SORBS3: variants seen among roughly 807,000 people sequenced by gnomAD.
SORBS3 encodes vinexin.
In SORBS3, 69 loss-of-function variants were observed where a neutral mutation model predicts 98.0. The observed-to-expected ratio is 0.70, with a 90% CI of 0.58 to 0.86. The LOEUF is 0.86. Among genes scored for constraint, SORBS3 ranks in the 40% least tolerant of loss-of-function variants. The pLI, the probability that SORBS3 is intolerant of heterozygous loss-of-function variation, is 0.00. For missense variants in SORBS3, 954 were observed against 908.5 expected (o/e 1.05, Z -0.64); for synonymous variants, 394 against 355.4 (o/e 1.11, Z -1.22).
chr8:22,553,406 C>T (rs1840123603), intron 1 of SORBS3, among the ~76,000 whole-genome samples: 1 of 152,204 alleles, frequency 6.6e-6, no homozygotes, highest in Non-Finnish European at 1.5e-5. Flanking sequence ...TGGTCCAGTC[C>T]AGCAGCCAAG....
chr8:22,554,990 C>T lies in SORBS3; in HGVS notation c.220+10C>T, dbSNP rs745977276. ...GCTTCCCAGCACCCGGGTAGGTCTG[C>T]TCAGGAGCCTCATGCTGGAGATGGA... On this transcript the variant is annotated intron_variant, in intron 3 of 20. Transcript: ENST00000240123. This position sits in a 1 kb window ranked among gnomAD's most constrained non-coding sequence, Gnocchi z 6.5. The T allele has an allele frequency of 1.4e-5, 23 of 1,605,404 alleles. No individual in the cohort carries two copies. The highest frequency in any genetic ancestry group is 1.9e-5 in the Non-Finnish European group (22 of 1,172,930).
chr8:22,570,765 G>C, intron 17 of SORBS3, 145 bp from the exon 18 acceptor site: 1 of 692,792 alleles, frequency 1.4e-6, no homozygotes, highest in Non-Finnish European at 2.3e-6. Context: ...CTCTTACCGT[G>C]TGACTCGGGT....
intron 8 of SORBS3, 93 bp downstream of exon 8, chr8:22,564,170 G>A: frequency 6.7e-7 from 1 of 1,498,988 alleles, no homozygotes; most frequent in Non-Finnish European, 9.2e-7. Flanking sequence ...TGAATCCCTT[G>A]GAGGACACCG....
At chr8:22,561,598 G>A (rs2117244612) in intron 6 of SORBS3, 2 of 615,862 alleles carry the variant, frequency 3.2e-6, no homozygotes, top group East Asian at 2.8e-5. Flanking sequence ...CTCCCTGGCC[G>A]GGATTTCTCT....
chr8:22,545,706 G>A (rs1840008982), intron 1 of SORBS3, among the ~76,000 whole-genome samples: 1 of 152,230 alleles, frequency 6.6e-6, no homozygotes, highest in South Asian at 2.1e-4. Context: ...CTGAAGTAGG[G>A]CCAAGCACAC....
upstream of SORBS3, chr8:22,551,592 C>A: frequency 3.3e-6 from 1 of 300,960 alleles, no homozygotes; most frequent in Non-Finnish European, 4.9e-6. This position sits in a 1 kb window ranked among gnomAD's most constrained non-coding sequence, Gnocchi z 5.8. Context: ...GCCGGGATGG[C>A]AGCTGGGAAA....
chr8:22,574,818 T>C lies in SORBS3; in HGVS notation c.*90T>C. 7.8e-7 allele frequency: 1 copy of C among 1,278,774 alleles called. No homozygotes were observed. The highest frequency in any genetic ancestry group is 2.3e-5 in the East Asian group (1 of 43,354). The allele number at this position is 1,278,774 out of a possible 1,614,324, so 79.2% of individuals were successfully genotyped here. A position where few individuals can be genotyped will look rare whatever the true frequency, so the allele number is the denominator to read the frequency against. ...GAGAGGACCCCCGCCCACATCCTCC[T>C]TCCCCAGGACCTGAGCTCCCAGCAT... On this transcript the variant is annotated 3_prime_UTR_variant, in exon 21 of 21. Coordinates refer to ENST00000240123, the MANE Select transcript of SORBS3 (RefSeq NM_005775.5).
chr8:22,552,751 G>C (rs1197439691), intron 1 of SORBS3, among the ~76,000 whole-genome samples: 1 of 152,232 alleles, frequency 6.6e-6, no homozygotes, highest in East Asian at 1.9e-4. Context: ...GCTGGGCAGG[G>C]AGGGGTGCTG....
At chr8:22,548,511 G>C (rs942528477), upstream of SORBS3, among the ~76,000 whole-genome samples, 7 of 152,180 alleles carry the variant, frequency 4.6e-5, no homozygotes, top group Admixed American at 3.9e-4. Context: ...GCTCAGCTTA[G>C]AGGAAGGAAG....
Position 22,554,542 on chromosome 8 carries a change from C to T in SORBS3, c.36C>T (p.Leu12=), listed in dbSNP as rs1266303195. 3.1e-6 allele frequency: 5 copies of T among 1,612,882 alleles called. No homozygotes were observed. The highest frequency in any genetic ancestry group is 1.7e-5 in the Admixed American group (1 of 60,018). Residue 12 remains leucine, a synonymous_variant, in exon 2 of 21, where the codon CTC becomes CTT. Coordinates refer to ENST00000240123, the MANE Select transcript of SORBS3 (RefSeq NM_005775.5). This position sits in a 1 kb window ranked among gnomAD's most constrained non-coding sequence, Gnocchi z 6.5. ...QGPPRSLRAG[L]SLDDFIPGHL... is the part of the protein sequence containing the mutation. ...CACCCCGCAGCCTCCGCGCTGGGCT[C>T]AGCCTGGACGACTTCATCCCTGGCC...
At chr8:22,566,243 G>A in intron 12 of SORBS3, 102 bp from the exon 13 acceptor site, 1 of 1,421,170 alleles carries the variant, frequency 7.0e-7, no homozygotes, top group Non-Finnish European at 9.4e-7. Context: ...CCTGGGAGGA[G>A]GTGGCAGGGA....
chr8:22,570,948 C>G lies in SORBS3; in HGVS notation c.1470C>G (p.Asn490Lys), dbSNP rs770767133. Residue 490 changes from asparagine to lysine, a missense_variant, in exon 18 of 21, where the codon AAC becomes AAG. Transcript: ENST00000240123. ...HICLIRKVNE[N>K]WYEGRITGTG... ...GCCTGATCCGCAAGGTGAACGAGAACTGGTACGAGGGACGCATCACGGGCA... is the reference window on the plus strand; with the variant it reads ...GCCTGATCCGCAAGGTGAACGAGAAGTGGTACGAGGGACGCATCACGGGCA... The G allele has an allele frequency of 6.2e-7, 1 of 1,611,458 alleles. No individual in the cohort carries two copies. The highest frequency in any genetic ancestry group is 8.5e-7 in the Non-Finnish European group (1 of 1,178,284).
chr8:22,554,713 G>T lies in SORBS3; in HGVS notation c.102+105G>T. 1 of 1,408,010 alleles carries T rather than the reference G, an allele frequency of 7.1e-7. No individual in the cohort carries two copies. The highest frequency in any genetic ancestry group is 2.5e-5 in the East Asian group (1 of 40,326). The allele number at this position is 1,408,010 out of a possible 1,614,324, so 87.2% of individuals were successfully genotyped here. ...GGATGAAAGGGATGGAGGGAGGGCT[G>T]AAGAGAGCTCTGGGGGGCCTCGCTG... On this transcript the variant is annotated intron_variant, in intron 2 of 20. Coordinates refer to ENST00000240123, the MANE Select transcript of SORBS3 (RefSeq NM_005775.5). The surrounding 1 kb of genome is among the most constrained non-coding windows in gnomAD (Gnocchi z 6.5).
Position 22,554,382 on chromosome 8 carries a change from A to T in SORBS3, c.-55-70A>T. The stretch of plus-strand genomic sequence containing the variant: ...CAGCCGGCCCCTCCTCCCCTATCCC[A>T]GGGTCGAGCCAAGAGGGCATGGGCA... On this transcript the variant is annotated intron_variant, in intron 1 of 20. Coordinates refer to ENST00000240123, the MANE Select transcript of SORBS3 (RefSeq NM_005775.5). This position sits in a 1 kb window ranked among gnomAD's most constrained non-coding sequence, Gnocchi z 6.5. 1 of 1,440,706 alleles carries T rather than the reference A, an allele frequency of 6.9e-7. No homozygotes were observed. Among genetic ancestry groups the T allele is most frequent in the Non-Finnish European group, 9.1e-7 (1 of 1,094,488 alleles). The allele number at this position is 1,440,706 out of a possible 1,614,324, so 89.2% of individuals were successfully genotyped here. A position where few individuals can be genotyped will look rare whatever the true frequency, so the allele number is the denominator to read the frequency against.
At chr8:22,565,090 G>A (rs1840376800) in intron 10 of SORBS3, 178 bp from the exon 11 acceptor site, 4 of 1,436,954 alleles carry the variant, frequency 2.8e-6, no homozygotes, top group Admixed American at 5.3e-5. Flanking sequence ...GGCCGTGGCG[G>A]GGATGCCCTC....
upstream of SORBS3, chr8:22,551,746 C>T (rs1024908596): frequency 2.0e-6 from 2 of 985,094 alleles, no homozygotes; most frequent in African/African-American, 3.5e-5. This position sits in a 1 kb window ranked among gnomAD's most constrained non-coding sequence, Gnocchi z 5.8. Flanking sequence ...CTCTCCGGCC[C>T]AGCCCCGGCC....
rs762328091 is a variant in SORBS3, at chr8:22,572,458, G to T, written c.1954+12G>T. 2 of 1,600,902 alleles carry T rather than the reference G, an allele frequency of 1.2e-6. No homozygotes were observed. Among genetic ancestry groups the T allele is most frequent in the Non-Finnish European group, 1.7e-6 (2 of 1,168,542 alleles). On this transcript the variant is annotated intron_variant, in intron 20 of 20. Transcript: ENST00000240123. Reference sequence around the variant, plus strand: ...TGGCTGGTTTGTGGGTATGTGGGCAGGCCGGGAGGGGGCATCTCAGGGCCC... The same window carrying T: ...TGGCTGGTTTGTGGGTATGTGGGCATGCCGGGAGGGGGCATCTCAGGGCCC...
At chr8:22,552,116 G>T in intron 1 of SORBS3, 94 bp downstream of exon 1, 1 of 966,892 alleles carries the variant, frequency 1.0e-6, no homozygotes, top group African/African-American at 1.8e-5. Context: ...CCTCCCCGGG[G>T]TCCGCGTCCC....
chr8:22,567,242 T>G (rs950199039), intron 16 of SORBS3, 67 bp downstream of exon 16: 3 of 1,193,476 alleles, frequency 2.5e-6, no homozygotes, highest in African/African-American at 3.0e-5. Flanking sequence ...AGAGACTTAG[T>G]GCAAACCTTG....
Sources: allele counts gnomAD v4.1 joint callset (sites outside exome capture counted in the v4.1 genomes callset), GRCh38; gene constraint gnomAD v4.1.1; non-coding constraint Gnocchi (gnomAD v3.1); transcripts MANE v1.5; gene names NCBI Gene and HGNC (gene_info 2026-07-23, HGNC 2026-07-21).